Variants in BMPR1B observed in about 807,000 individuals in gnomAD.
BMPR1B encodes bone morphogenetic protein receptor type-1B.
Under a neutral mutation model 59.1 loss-of-function variants are expected in BMPR1B, and 12 were observed. That is an observed-to-expected ratio of 0.20 (90% CI 0.13 to 0.33). BMPR1B has a LOEUF of 0.33. Ranked by LOEUF, BMPR1B falls within the 10% of genes least tolerant of loss-of-function variation. The pLI is 1.00. For synonymous variants in BMPR1B, 237 were observed against 207.3 expected (o/e 1.14, Z -1.23); for missense variants, 550 against 610.9 (o/e 0.90, Z 1.05).
At chr4:95,071,815 C>T (rs1021495628) in intron 3 of BMPR1B, among the ~76,000 whole-genome samples, 1 of 151,370 alleles carries the variant, frequency 6.6e-6, no homozygotes, top group Non-Finnish European at 1.5e-5. Context: ...TTTTAAAATG[C>T]CTGGTTATTT....
chr4:95,128,334 G>A (rs1195335490), intron 8 of BMPR1B, among the ~76,000 whole-genome samples: 1 of 152,182 alleles, frequency 6.6e-6, no homozygotes, highest in Non-Finnish European at 1.5e-5. Flanking sequence ...TTTAATTGGT[G>A]TAAAGTATAT....
At chr4:94,916,054 G>A (rs28711183) in intron 2 of BMPR1B, among the ~76,000 whole-genome samples, 18,401 of 152,142 alleles carry the variant, frequency 0.12, 2,491 homozygotes, top group African/African-American at 0.34. Flanking sequence ...AGTCAAGCAA[G>A]TGCCAGACCC....
intron 1 of BMPR1B, among the ~76,000 whole-genome samples, chr4:94,817,820 C>T (rs1368446083): frequency 6.6e-6 from 1 of 152,148 alleles, no homozygotes; most frequent in East Asian, 1.9e-4. Context: ...TGGCACCACA[C>T]TTTTCTCCTT....
At chr4:95,016,638 A>G (rs1426451169) in intron 3 of BMPR1B, among the ~76,000 whole-genome samples, 1 of 152,212 alleles carries the variant, frequency 6.6e-6, no homozygotes, top group African/African-American at 2.4e-5. Flanking sequence ...AAGGAGAAAG[A>G]TGGAAGGCTT....
chr4:95,143,198 G>A (rs925386002), intron 10 of BMPR1B, among the ~76,000 whole-genome samples: 1 of 152,226 alleles, frequency 6.6e-6, no homozygotes, highest in African/African-American at 2.4e-5. Flanking sequence ...CAGCAGTGCT[G>A]TGCTAAGGGG....
chr4:94,937,719 G>GACACACACACACACAGAC, intron 2 of BMPR1B, among the ~76,000 whole-genome samples: 1 of 147,706 alleles, frequency 6.8e-6, no homozygotes, highest in African/African-American at 2.5e-5. Flanking sequence ...CACACACACA[G>GACACACACACACACAGAC]ACACACACAC....
rs534657540 is a variant in BMPR1B at position 95,077,693 on chromosome 4, A to G, written c.-17-26715A>G. 1.8e-3 allele frequency among the ~76,000 whole-genome samples: 272 copies of G among 152,282 alleles called. 2 individuals are homozygous for G. Among genetic ancestry groups the G allele is most frequent in the African/African-American group, 6.0e-3 (251 of 41,564 alleles). On this transcript the variant is annotated intron_variant, in intron 3 of 12. Transcript: ENST00000515059. The stretch of plus-strand genomic sequence containing the variant: ...TATTTAACTGGCTTTTCGTGATTAT[A>G]TATCATGGAAGAACTGAGGTAAATT...
At chr4:95,112,528 A>G (rs1424105038) in intron 4 of BMPR1B, among the ~76,000 whole-genome samples, 2 of 152,174 alleles carry the variant, frequency 1.3e-5, no homozygotes. Flanking sequence ...GCTGGAGAGC[A>G]ATGTCAGTGA....
At position 95,068,134 on chromosome 4, in the gene BMPR1B, GT is replaced by G. The variant is rs1249419240; in HGVS notation, c.-17-36271del. 8.5e-5 allele frequency among the ~76,000 whole-genome samples: 13 copies of G among 152,240 alleles called. No homozygotes were observed. In the East Asian group the frequency reaches 2.5e-3, roughly 29 times the overall value. On this transcript the variant is annotated intron_variant, in intron 3 of 12. Transcript: ENST00000515059. ...TTTAAACAGGGGAATGATGATGAAG[GT>G]TTGTGTAGACACAGGCTAGGAACCA...
chr4:94,909,468 A>C (rs1170509191), intron 2 of BMPR1B, among the ~76,000 whole-genome samples: 2 of 151,972 alleles, frequency 1.3e-5, no homozygotes, highest in Admixed American at 6.6e-5. Flanking sequence ...CTCATGTACA[A>C]AATTGAGATA....
chr4:95,050,242 A>G (rs968066529), intron 3 of BMPR1B, among the ~76,000 whole-genome samples: 3 of 152,154 alleles, frequency 2.0e-5, no homozygotes, highest in Non-Finnish European at 4.4e-5. Context: ...AGGGATATGG[A>G]TAAATATTAC....
chr4:94,977,269 T>C (rs1261648884), intron 2 of BMPR1B, among the ~76,000 whole-genome samples: 1 of 152,184 alleles, frequency 6.6e-6, no homozygotes, highest in Non-Finnish European at 1.5e-5. Flanking sequence ...AGAAGGCTTT[T>C]GTCTGTCTTA....
At chr4:95,060,308 A>G (rs1358348346) in intron 3 of BMPR1B, among the ~76,000 whole-genome samples, 2 of 152,212 alleles carry the variant, frequency 1.3e-5, no homozygotes, top group Non-Finnish European at 2.9e-5. Context: ...CCCCACTTTC[A>G]GAACAAGAGA....
At chr4:94,951,584 T>A (rs114588104) in intron 2 of BMPR1B, among the ~76,000 whole-genome samples, 10,918 of 151,000 alleles carry the variant, frequency 0.072, 1,091 homozygotes, top group African/African-American at 0.23. Context: ...TTTATTGATT[T>A]GCCTTGCATC....
At chr4:95,032,279 G>A (rs34484245) in intron 3 of BMPR1B, among the ~76,000 whole-genome samples, 40,567 of 151,806 alleles carry the variant, frequency 0.27, 6,338 homozygotes, top group South Asian at 0.42. Context: ...GAGAGAGAGC[G>A]GGCATGCACA....
rs889568922 is a variant in BMPR1B, at chr4:95,097,683, A to G, written c.-17-6725A>G. On this transcript the variant is annotated intron_variant, in intron 3 of 12. Coordinates refer to ENST00000515059, the MANE Select transcript of BMPR1B (RefSeq NM_001203.3). Reference sequence around the variant, plus strand: ...CTCCCAAGTAGCTGGGACTACAGGCATGTGCCACCATGCCCAGCTAATTTT... The same window carrying G: ...CTCCCAAGTAGCTGGGACTACAGGCGTGTGCCACCATGCCCAGCTAATTTT... 5.3e-5 allele frequency among the ~76,000 whole-genome samples: 8 copies of G among 152,116 alleles called. 1 individual carries two copies. Among genetic ancestry groups the G allele is most frequent in the African/African-American group, 1.7e-4 (7 of 41,516 alleles).
At chr4:94,843,941 G>A (rs1427847892) in intron 1 of BMPR1B, among the ~76,000 whole-genome samples, 3 of 152,090 alleles carry the variant, frequency 2.0e-5, no homozygotes, top group African/African-American at 7.2e-5. Context: ...TAAGACATAT[G>A]AAATGTAAGC....
intron 2 of BMPR1B, among the ~76,000 whole-genome samples, chr4:94,883,218 G>T (rs1727049376): frequency 6.6e-6 from 1 of 152,144 alleles, no homozygotes; most frequent in South Asian, 2.1e-4. Context: ...AAAGTGATGT[G>T]CATCTGAGGG....
chr4:95,091,411 T>C, intron 3 of BMPR1B: 1 of 953,690 alleles, frequency 1.0e-6, no homozygotes, highest in African/African-American at 1.8e-5. Context: ...CAGCTTATAA[T>C]CAAAGGGACT....
Sources: gnomAD v4.1 joint callset for allele counts (sites outside exome capture counted in the v4.1 genomes callset) on GRCh38, gnomAD v4.1.1 for gene constraint, MANE v1.5 for transcripts, NCBI Gene and HGNC (gene_info 2026-07-23, HGNC 2026-07-21) for gene names.